Variants in PRDM2 observed in about 807,000 individuals in gnomAD.
The protein encoded by PRDM2 is PR/SET domain 2, also known as PR domain zinc finger protein 2.
Under a neutral mutation model 130.0 loss-of-function variants are expected in PRDM2, and 30 were observed. The ratio of observed to expected loss-of-function variants is 0.23; its 90% confidence interval spans 0.17 to 0.31. The LOEUF (loss-of-function observed/expected upper bound fraction) is 0.31. PRDM2 is among the 10% of genes least tolerant of loss of function. The probability of loss-of-function intolerance (pLI) is 1.00; values close to 1 mark genes in which losing one functional copy is unlikely to be tolerated. For missense variants in PRDM2, 2,011 were observed against 2,108.4 expected (o/e 0.95, Z 0.90); for synonymous variants, 871 against 782.4 (o/e 1.11, Z -1.89).
chr1:13,817,042 T>A (rs1315613931), intron 9 of PRDM2, among the ~76,000 whole-genome samples: 1 of 152,250 alleles, frequency 6.6e-6, no homozygotes, highest in African/African-American at 2.4e-5. Flanking sequence ...CGAGTTCCTA[T>A]TCTCACAATG....
intron 4 of PRDM2, among the ~76,000 whole-genome samples, chr1:13,733,129 C>T (rs2100478424): frequency 6.6e-6 from 1 of 152,242 alleles, no homozygotes; most frequent in Middle Eastern, 3.4e-3. Flanking sequence ...ATTGCCGTGT[C>T]CAGGGTGTTT....
intron 7 of PRDM2, among the ~76,000 whole-genome samples, chr1:13,774,951 G>A (rs1644441580): frequency 6.7e-6 from 1 of 149,036 alleles, no homozygotes; most frequent in Non-Finnish European, 1.5e-5. Context: ...CTGGGCGACA[G>A]AGCGAGACTC....
In PRDM2 at chr1:13,780,336, C is replaced by A. The variant is rs1267321450; in HGVS notation, c.2541C>A (p.Val847=). ...TGKTPVQWES[V]LDLSVHKKHC... is the part of the protein sequence containing the mutation. ...AGACTCCAGTCCAGTGGGAATCTGT[C>A]TTAGATCTCAGTGTGCATAAAAAGC... The change falls in exon 8 of 10, where the codon GTC becomes GTA. Residue 847 remains valine, a synonymous_variant. Transcript: ENST00000311066. 6.2e-7 allele frequency: 1 copy of A among 1,614,010 alleles called. No homozygotes were observed. Among genetic ancestry groups the A allele is most frequent in the Non-Finnish European group, 8.5e-7 (1 of 1,180,048 alleles).
intron 2 of PRDM2, among the ~76,000 whole-genome samples, chr1:13,718,960 C>T (rs1557597739): frequency 6.6e-6 from 1 of 152,126 alleles, no homozygotes; most frequent in African/African-American, 2.4e-5. Flanking sequence ...CCTCATTCAT[C>T]GTGGACAGAC....
rs765060488 is a variant in PRDM2, at chr1:13,778,682, A to C, written c.887A>C (p.Glu296Ala). 7.4e-6 allele frequency: 12 copies of C among 1,614,218 alleles called. No individual in the cohort carries two copies. Among genetic ancestry groups the C allele is most frequent in the African/African-American group, 1.3e-5 (1 of 75,046 alleles). Residue 296 changes from glutamate to alanine, a missense_variant, in exon 8 of 10, where the codon GAA becomes GCA. Transcript: ENST00000311066. ...GAGTTGGAAGACGAGGGGGAAGAAG[A>C]AGCCAGCATGCCAAATGAAAATTCT... ...DDELEDEGEE[E>A]ASMPNENSVK...
chr1:13,774,699 T>G (rs998057506), intron 7 of PRDM2, among the ~76,000 whole-genome samples: 1 of 152,044 alleles, frequency 6.6e-6, no homozygotes, highest in Non-Finnish European at 1.5e-5. Flanking sequence ...CTTGCTGGCC[T>G]GGCGCGGTGG....
chr1:13,713,511 A>G (rs1265928590), intron 1 of PRDM2, among the ~76,000 whole-genome samples: 1 of 152,244 alleles, frequency 6.6e-6, no homozygotes, highest in African/African-American at 2.4e-5. Context: ...GAAGCTTCAT[A>G]AATGATAGTG....
At chr1:13,725,377 G>A (rs1179288817) in intron 2 of PRDM2, among the ~76,000 whole-genome samples, 1 of 151,968 alleles carries the variant, frequency 6.6e-6, no homozygotes, top group Non-Finnish European at 1.5e-5. Context: ...GCTAGTTTTT[G>A]TTTTTTTAGT....
intron 6 of PRDM2, among the ~76,000 whole-genome samples, chr1:13,749,954 C>T (rs1276640544): frequency 6.6e-6 from 1 of 152,116 alleles, no homozygotes; most frequent in African/African-American, 2.4e-5. Flanking sequence ...CCGCGTCGGT[C>T]GCGGAGTCGG....
At chr1:13,785,715 G>A (rs370821569) in intron 8 of PRDM2, among the ~76,000 whole-genome samples, 1 of 136,268 alleles carries the variant, frequency 7.3e-6, no homozygotes, top group Non-Finnish European at 1.5e-5. Flanking sequence ...GTTTAAATCT[G>A]TTGCTAAGGG....
chr1:13,730,222 A>C (rs1557604560), intron 2 of PRDM2, among the ~76,000 whole-genome samples: 1 of 152,184 alleles, frequency 6.6e-6, no homozygotes, highest in African/African-American at 2.4e-5. Flanking sequence ...TTGAAAGTTA[A>C]TGAGAAAATA....
chr1:13,732,490 C>T (rs1643141022), intron 3 of PRDM2, among the ~76,000 whole-genome samples: 1 of 151,998 alleles, frequency 6.6e-6, no homozygotes, highest in African/African-American at 2.4e-5. Flanking sequence ...ATTTGTGATC[C>T]TACTGTACGG....
At chr1:13,760,330 C>T (rs1644065972) in intron 6 of PRDM2, among the ~76,000 whole-genome samples, 2 of 151,676 alleles carry the variant, frequency 1.3e-5, no homozygotes, top group African/African-American at 4.8e-5. Flanking sequence ...ATGCTAAGCA[C>T]ATTAAAAAAA....
chr1:13,751,889 G>A (rs941124585), intron 6 of PRDM2, among the ~76,000 whole-genome samples: 1 of 152,108 alleles, frequency 6.6e-6, no homozygotes, highest in African/African-American at 2.4e-5. Context: ...TGTTTGGGTA[G>A]AGCAAAGCCC....
At chr1:13,752,033 C>T (rs1178513429) in intron 6 of PRDM2, among the ~76,000 whole-genome samples, 2 of 151,722 alleles carry the variant, frequency 1.3e-5, no homozygotes, top group African/African-American at 4.9e-5. Context: ...GTACTAGGCA[C>T]TCTGCTGGGT....
At chr1:13,765,616 G>A (rs1179907721) in intron 6 of PRDM2, among the ~76,000 whole-genome samples, 1 of 152,010 alleles carries the variant, frequency 6.6e-6, no homozygotes, top group African/African-American at 2.4e-5. Context: ...CAGGCGCGGT[G>A]GTACCGCGCC....
intron 1 of PRDM2, among the ~76,000 whole-genome samples, chr1:13,703,690 G>A (rs1439846840): frequency 6.6e-6 from 1 of 152,208 alleles, no homozygotes; most frequent in African/African-American, 2.4e-5. Flanking sequence ...TATGAAATTT[G>A]AATAAATTTG....
intron 1 of PRDM2, among the ~76,000 whole-genome samples, chr1:13,709,407 T>C (rs982843415): frequency 6.6e-6 from 1 of 152,216 alleles, no homozygotes; most frequent in African/African-American, 2.4e-5. Flanking sequence ...AATACCTTAA[T>C]AGCATTTTAA....
intron 2 of PRDM2, among the ~76,000 whole-genome samples, chr1:13,717,959 GC>G (rs1278299463): frequency 1.3e-5 from 2 of 152,092 alleles, no homozygotes; most frequent in African/African-American, 4.8e-5. Flanking sequence ...TTAGTTATAT[GC>G]TGTTTAGACC....
Sources: allele counts gnomAD v4.1 joint callset (sites outside exome capture counted in the v4.1 genomes callset), GRCh38; gene constraint gnomAD v4.1.1; transcripts MANE v1.5; gene names NCBI Gene and HGNC (gene_info 2026-07-23, HGNC 2026-07-21).